Variants in TTC8 observed in about 807,000 individuals in gnomAD.
TTC8 encodes the protein tetratricopeptide repeat protein 8.
A neutral mutation model predicts 72.5 loss-of-function variants in TTC8; 47 were observed. That is an observed-to-expected ratio of 0.65 (90% confidence interval 0.51 to 0.83). The LOEUF is 0.83. TTC8 is among the 40% of genes least tolerant of loss of function. The pLI is 0.00. For missense variants in TTC8, 611 were observed against 623.2 expected, an observed-to-expected ratio of 0.98 and a Z score of 0.21; for synonymous variants, 199 against 221.4, an observed-to-expected ratio of 0.90 and a Z score of 0.90.
At chr14:88,847,939 AT>A in intron 7 of TTC8, among the ~76,000 whole-genome samples, 1 of 152,206 alleles carries the variant, frequency 6.6e-6, no homozygotes, top group South Asian at 2.1e-4. Context: ...CCTGGACAAC[AT>A]GGTGAAACTC....
Position 88,853,072 on chromosome 14 carries a change from T to C in TTC8, c.710+16T>C, listed in dbSNP as rs761220167. 1 of 1,598,932 alleles carries C rather than the reference T, an allele frequency of 6.3e-7. No individual in the cohort carries two copies. The highest frequency in any genetic ancestry group is 1.1e-5 in the South Asian group (1 of 90,726). ...GTTACTACAGGTAAATTTCATTATT[T>C]GTGAAGGGCTTAGAAGTGGCCACGT... On this transcript the variant is annotated intron_variant, in intron 8 of 14. Coordinates refer to ENST00000380656, the MANE Select transcript of TTC8 (RefSeq NM_144596.4).
At position 88,877,545 on chromosome 14, in the gene TTC8, A is replaced by G. The variant is rs1453795134; in HGVS notation, c.*135A>G. On this transcript the variant is annotated 3_prime_UTR_variant, in exon 15 of 15. Transcript: ENST00000380656. Reference sequence around the variant, plus strand: ...TGTCCTTGATATTAGTTAAGGTGACACATAAGGGTGACACAGAATGTGTAA... The same window carrying G: ...TGTCCTTGATATTAGTTAAGGTGACGCATAAGGGTGACACAGAATGTGTAA... The G allele has an allele frequency of 9.5e-6, 7 of 735,982 alleles. No homozygotes were observed. The allele number at this position is 735,982 out of a possible 1,614,324, so 45.6% of individuals were successfully genotyped here.
chr14:88,832,937 T>A (rs2094732992), intron 1 of TTC8, among the ~76,000 whole-genome samples: 2 of 152,208 alleles, frequency 1.3e-5, no homozygotes. Context: ...CTTAACCTTT[T>A]CCTCTCATGT....
chr14:88,825,593 G>A (rs2094695772), intron 1 of TTC8, among the ~76,000 whole-genome samples: 1 of 152,238 alleles, frequency 6.6e-6, no homozygotes, highest in South Asian at 2.1e-4. Flanking sequence ...GGCAAAAAAG[G>A]AGAAAATGGG....
intron 10 of TTC8, among the ~76,000 whole-genome samples, chr14:88,862,229 A>G (rs1306709855): frequency 1.3e-5 from 2 of 151,788 alleles, no homozygotes; most frequent in Non-Finnish European, 2.9e-5. Flanking sequence ...CATTTCCCGG[A>G]TGATTAGTAA....
At chr14:88,841,387 AG>A (rs765208948) in intron 5 of TTC8, 37 bp from the exon 6 acceptor site, 1 of 1,605,004 alleles carries the variant, frequency 6.2e-7, no homozygotes, top group African/African-American at 1.3e-5. Flanking sequence ...TTCAAGAGAA[AG>A]TTTCAGATCT....
At chr14:88,847,968 C>CA (rs1474699982) in intron 7 of TTC8, among the ~76,000 whole-genome samples, 7 of 151,480 alleles carry the variant, frequency 4.6e-5, no homozygotes, top group African/African-American at 1.7e-4. Flanking sequence ...ACTAAAAATA[C>CA]AAAAATTAGC....
intron 10 of TTC8, 70 bp from the exon 11 acceptor site, chr14:88,869,989 T>G: frequency 6.6e-7 from 1 of 1,517,716 alleles, no homozygotes; most frequent in Non-Finnish European, 9.1e-7. Flanking sequence ...TGGACTTAAA[T>G]CAGTCAGAAA....
chr14:88,825,310 GA>G (rs2094694259), intron 1 of TTC8, among the ~76,000 whole-genome samples: 1 of 152,176 alleles, frequency 6.6e-6, no homozygotes, highest in East Asian at 1.9e-4. Flanking sequence ...AAGAGTGAAG[GA>G]GGCCATGAGT....
intron 7 of TTC8, among the ~76,000 whole-genome samples, chr14:88,844,474 G>GA (rs567829403): frequency 3.9e-4 from 59 of 151,978 alleles, no homozygotes; most frequent in Non-Finnish European, 4.7e-4. Flanking sequence ...TTAGTTCCAG[G>GA]AAAAAGGCTT....
chr14:88,837,564 G>C (rs1016496257), intron 2 of TTC8, among the ~76,000 whole-genome samples: 9 of 152,178 alleles, frequency 5.9e-5, no homozygotes, highest in African/African-American at 2.2e-4. Context: ...GTGCTTTGCT[G>C]TTCCAACAGA....
intron 1 of TTC8, among the ~76,000 whole-genome samples, chr14:88,825,284 CT>C (rs2094694080): frequency 6.6e-6 from 1 of 152,208 alleles, no homozygotes; most frequent in African/African-American, 2.4e-5. Context: ...CCCACCTCAT[CT>C]TTAGACTGTT....
In TTC8 at chr14:88,843,257, A is replaced by T. The variant is rs372371697; in HGVS notation, c.580-549A>T. Among the ~76,000 whole-genome samples the T allele has an allele frequency of 7.2e-5, 11 of 152,298 alleles. No individual in the cohort carries two copies. The South Asian group carries it at 2.1e-3, about 29-fold the overall frequency. On this transcript the variant is annotated intron_variant, in intron 6 of 14. Coordinates refer to ENST00000380656, the MANE Select transcript of TTC8 (RefSeq NM_144596.4). ...ACTCTGATTTAATTTAAGTGGTCTG[A>T]TATGTGCCCCACCGCCAGGTGATTC...
At chr14:88,846,212 G>A (rs1407220035) in intron 7 of TTC8, among the ~76,000 whole-genome samples, 1 of 151,968 alleles carries the variant, frequency 6.6e-6, no homozygotes, top group Non-Finnish European at 1.5e-5. Context: ...GAGGGATAGA[G>A]CTGTAGTCCC....
chr14:88,849,606 T>A (rs1282694690), intron 7 of TTC8, among the ~76,000 whole-genome samples: 1 of 152,124 alleles, frequency 6.6e-6, no homozygotes, highest in African/African-American at 2.4e-5. Context: ...GAAAACGATT[T>A]TTCTGTCTTT....
downstream of TTC8, chr14:88,878,348 G>C (rs2094964762): frequency 6.6e-6 from 1 of 152,086 alleles, no homozygotes; most frequent in Non-Finnish European, 1.5e-5. Flanking sequence ...TGTGTTAATG[G>C]GACAGGACCA....
At chr14:88,874,982 G>T in intron 13 of TTC8, 44 bp from the exon 14 acceptor site, 3 of 1,446,322 alleles carry the variant, frequency 2.1e-6, no homozygotes, top group Non-Finnish European at 1.9e-6. Flanking sequence ...GCTGATATAT[G>T]TTCATACGCC....
intron 1 of TTC8, among the ~76,000 whole-genome samples, chr14:88,828,254 A>G (rs2094710776): frequency 6.6e-6 from 1 of 152,194 alleles, no homozygotes; most frequent in Non-Finnish European, 1.5e-5. Context: ...AGTAATGATC[A>G]TCATTGCTAT....
Position 88,875,056 on chromosome 14 carries a change from T to C in TTC8, c.1378T>C (p.Leu460=), listed in dbSNP as rs1595992258. ...ARALLQTASS[L]APHMYEPHFN... ...GGCACTATTACAAACTGCATCATCA[T>C]TAGCACCCCATATGTATGAACCGCA... The change falls in exon 14 of 15, where the codon TTA becomes CTA. Residue 460 remains leucine, a synonymous_variant. Transcript: ENST00000380656. 6.2e-7 allele frequency: 1 copy of C among 1,613,014 alleles called. No homozygotes were observed. The highest frequency in any genetic ancestry group is 2.2e-5 in the East Asian group (1 of 44,760).
Sources: gnomAD v4.1 joint callset for allele counts (sites outside exome capture counted in the v4.1 genomes callset) on GRCh38, gnomAD v4.1.1 for gene constraint, MANE v1.5 for transcripts, NCBI Gene and HGNC (gene_info 2026-07-23, HGNC 2026-07-21) for gene names.